Variants in ZBBX observed in about 807,000 individuals in gnomAD.
ZBBX encodes the protein zinc finger B-box domain-containing protein 1.
In ZBBX, 101 loss-of-function variants were observed where a neutral mutation model predicts 108.5. The observed-to-expected ratio is 0.93, with a 90% CI of 0.79 to 1.10. The LOEUF is 1.10. Ranked by LOEUF, ZBBX falls within the 50% of genes least tolerant of loss-of-function variation. ZBBX has a pLI of 0.00. For missense variants in ZBBX, 1,009 were observed against 941.4 expected, an observed-to-expected ratio of 1.07 and a Z score of -0.94; for synonymous variants, 356 against 323.4, an observed-to-expected ratio of 1.10 and a Z score of -1.08.
intron 12 of ZBBX, among the ~76,000 whole-genome samples, chr3:167,320,952 T>C (rs991752590): frequency 1.3e-5 from 2 of 151,908 alleles, no homozygotes; most frequent in Non-Finnish European, 2.9e-5. Context: ...AAAAATACAA[T>C]GTGTAATCCT....
intron 16 of ZBBX, among the ~76,000 whole-genome samples, chr3:167,307,258 G>A (rs1733813793): frequency 6.6e-6 from 1 of 152,100 alleles, no homozygotes; most frequent in African/African-American, 2.4e-5. Flanking sequence ...ACATAATATT[G>A]GAAGTCCTAG....
chr3:167,300,681 C>T (rs1254912782), intron 17 of ZBBX, among the ~76,000 whole-genome samples: 1 of 151,008 alleles, frequency 6.6e-6, no homozygotes, highest in Non-Finnish European at 1.5e-5. Flanking sequence ...GCGACCTCAG[C>T]TCACTATAAC....
chr3:167,285,536 T>G (rs1729551629), intron 19 of ZBBX, among the ~76,000 whole-genome samples: 1 of 152,110 alleles, frequency 6.6e-6, no homozygotes, highest in Non-Finnish European at 1.5e-5. Context: ...CATGGTTAAG[T>G]GGAAAGAATA....
At chr3:167,220,581 T>C in the ZBBX span, among the ~76,000 whole-genome samples, 80 of 152,058 alleles carry the variant, frequency 5.3e-4, no homozygotes, top group African/African-American at 1.8e-3. Context: ...AGAGGGAGCA[T>C]ATCTCAACAC....
intron 4 of ZBBX, 106 bp downstream of exon 4, chr3:167,372,728 A>G: frequency 3.5e-6 from 2 of 576,574 alleles, no homozygotes; most frequent in Non-Finnish European, 6.1e-6. Flanking sequence ...AGATAAAAAT[A>G]CAGGAATGTG....
chr3:167,397,820 CAT>C (rs1748298455), intron 1 of ZBBX, among the ~76,000 whole-genome samples: 1 of 149,474 alleles, frequency 6.7e-6, no homozygotes, highest in Admixed American at 6.7e-5. Context: ...AAAAAAAACT[CAT>C]ATGATTTTCA....
intron 20 of ZBBX, among the ~76,000 whole-genome samples, chr3:167,245,565 C>T (rs902279982): frequency 4.6e-5 from 7 of 152,012 alleles, no homozygotes; most frequent in Non-Finnish European, 8.8e-5. Flanking sequence ...AATTATCATC[C>T]CCAGTGTTGA....
chr3:167,306,019 C>A, intron 16 of ZBBX, 69 bp from the exon 17 acceptor site: 1 of 1,272,924 alleles, frequency 7.9e-7, no homozygotes, highest in Non-Finnish European at 1.0e-6. Context: ...TGTTAATAAA[C>A]CAAAAGTTCT....
chr3:167,223,045 A>G, the ZBBX span, among the ~76,000 whole-genome samples: 6 of 151,968 alleles, frequency 3.9e-5, no homozygotes, highest in Non-Finnish European at 7.4e-5. Flanking sequence ...TATCATATGT[A>G]CCCCATAAAT....
At chr3:167,252,139 T>G in intron 20 of ZBBX, 1 of 1,288,882 alleles carries the variant, frequency 7.8e-7, no homozygotes. Flanking sequence ...ATGTAGTTAT[T>G]TTCTGTCTTA....
intron 1 of ZBBX, among the ~76,000 whole-genome samples, chr3:167,403,304 T>C (rs1201452388): frequency 6.6e-6 from 1 of 152,100 alleles, no homozygotes; most frequent in Admixed American, 6.6e-5. Flanking sequence ...CAACTTAGAA[T>C]CCTACATCCA....
At chr3:167,346,617 C>T (rs141444657) in intron 9 of ZBBX, among the ~76,000 whole-genome samples, 7 of 152,000 alleles carry the variant, frequency 4.6e-5, no homozygotes, top group African/African-American at 1.4e-4. Context: ...GCTTAATATT[C>T]ATCTGTCGGA....
chr3:167,403,296 A>C (rs930313465), intron 1 of ZBBX, among the ~76,000 whole-genome samples: 1 of 152,164 alleles, frequency 6.6e-6, no homozygotes, highest in South Asian at 2.1e-4. Flanking sequence ...ACGATTATCA[A>C]CTTAGAATCC....
intron 1 of ZBBX, among the ~76,000 whole-genome samples, chr3:167,405,674 A>G (rs1020519076): frequency 6.6e-6 from 1 of 152,244 alleles, no homozygotes; most frequent in Non-Finnish European, 1.5e-5. Context: ...TTAACCTGAA[A>G]TTAGTAATTG....
chr3:167,199,097 T>C, the ZBBX span, among the ~76,000 whole-genome samples: 1 of 152,022 alleles, frequency 6.6e-6, no homozygotes, highest in African/African-American at 2.4e-5. Context: ...CATAAGAGAA[T>C]GGGGAAGTGA....
intron 20 of ZBBX, among the ~76,000 whole-genome samples, chr3:167,252,401 T>C (rs948033739): frequency 5.9e-5 from 9 of 152,188 alleles, no homozygotes; most frequent in Non-Finnish European, 1.2e-4. Flanking sequence ...TTCTGCTCAT[T>C]GACGCAAAAC....
At chr3:167,271,336 T>C (rs1726483020) in intron 20 of ZBBX, among the ~76,000 whole-genome samples, 1 of 152,202 alleles carries the variant, frequency 6.6e-6, no homozygotes, top group South Asian at 2.1e-4. Context: ...GCCTTTCTTT[T>C]GAAAGCTAGG....
At chr3:167,387,694 T>A (rs1747960124) in intron 1 of ZBBX, among the ~76,000 whole-genome samples, 1 of 151,894 alleles carries the variant, frequency 6.6e-6, no homozygotes, top group African/African-American at 2.4e-5. Context: ...GAAGATTCAT[T>A]AAGAGGTCAT....
chr3:167,338,833 A>T (rs991170265), intron 9 of ZBBX, among the ~76,000 whole-genome samples: 3 of 152,172 alleles, frequency 2.0e-5, no homozygotes, highest in African/African-American at 7.2e-5. Flanking sequence ...AGCAGAACTC[A>T]AGTAACATAA....
Sources: allele counts gnomAD v4.1 joint callset (sites outside exome capture counted in the v4.1 genomes callset), GRCh38; gene constraint gnomAD v4.1.1; transcripts MANE v1.5; gene names NCBI Gene and HGNC (gene_info 2026-07-23, HGNC 2026-07-21).